The following CACNA2D3 variants were observed in gnomAD, a reference collection of about 807,000 sequenced individuals.
CACNA2D3 encodes the protein calcium voltage-gated channel auxiliary subunit alpha2delta 3, also known as voltage-dependent calcium channel subunit alpha-2/delta-3.
A neutral mutation model predicts 160.6 loss-of-function variants in CACNA2D3; 60 were observed. The observed-to-expected ratio is 0.37, with a 90% CI of 0.30 to 0.46. The LOEUF (loss-of-function observed/expected upper bound fraction) is 0.46, where lower values mean the gene tolerates loss of function less well. Among genes scored for constraint, CACNA2D3 ranks in the 20% least tolerant of loss-of-function variants. The pLI is 1.00. For missense variants in CACNA2D3, 1,205 were observed against 1,365.0 expected (o/e 0.88, Z 1.85); for synonymous variants, 558 against 492.9 (o/e 1.13, Z -1.75).
chr3:54,948,548 G>C (rs1701673837), intron 27 of CACNA2D3, among the ~76,000 whole-genome samples: 1 of 152,286 alleles, frequency 6.6e-6, no homozygotes, highest in East Asian at 1.9e-4. Context: ...TGCATGATCA[G>C]CTAACTCGGT....
intron 9 of CACNA2D3, among the ~76,000 whole-genome samples, chr3:54,603,789 G>A (rs756718689): frequency 3.3e-5 from 5 of 152,028 alleles, no homozygotes; most frequent in Non-Finnish European, 7.3e-5. Flanking sequence ...AGAATTATAA[G>A]TTGCATGTAG....
intron 8 of CACNA2D3, among the ~76,000 whole-genome samples, chr3:54,576,885 A>G (rs574324589): frequency 6.6e-6 from 1 of 152,194 alleles, no homozygotes; most frequent in African/African-American, 2.4e-5. Flanking sequence ...AATAATAAAA[A>G]AATTAGCTGG....
At chr3:55,062,272 A>G (rs1704529790) in intron 35 of CACNA2D3, among the ~76,000 whole-genome samples, 1 of 138,114 alleles carries the variant, frequency 7.2e-6, no homozygotes, top group South Asian at 2.2e-4. Context: ...GGCACACATC[A>G]TATCTGTCTT....
chr3:54,940,045 AG>A (rs1298441105), intron 27 of CACNA2D3, among the ~76,000 whole-genome samples: 4 of 118,424 alleles, frequency 3.4e-5, no homozygotes, highest in Non-Finnish European at 7.5e-5. Flanking sequence ...AAGATGGAGA[AG>A]GTGGAGCTGA....
intron 29 of CACNA2D3, among the ~76,000 whole-genome samples, chr3:54,979,543 T>C (rs892451038): frequency 6.6e-6 from 1 of 152,204 alleles, no homozygotes; most frequent in Admixed American, 6.5e-5. Flanking sequence ...AAGCTGTAAA[T>C]AGCTCAAAAG....
At chr3:54,978,907 C>T (rs1311321137) in intron 29 of CACNA2D3, among the ~76,000 whole-genome samples, 2 of 152,212 alleles carry the variant, frequency 1.3e-5, no homozygotes, top group Admixed American at 6.5e-5. Context: ...CATAATTGTT[C>T]TCTAGTTTCC....
At position 54,356,916 on chromosome 3, in the gene CACNA2D3, G is replaced by GA. The variant is rs141932430; in HGVS notation, c.322-29795dup. 9.4e-3 allele frequency among the ~76,000 whole-genome samples: 1,430 copies of GA among 152,228 alleles called. 19 individuals are homozygous for GA. Among genetic ancestry groups the GA allele is most frequent in the African/African-American group, 0.033 (1,354 of 41,542 alleles). ...TTTTCTCCCTGGGTTTTCTGGCAGG[G>GA]AAAATTCTTCCTGGTACTTAGCAAA... On this transcript the variant is annotated intron_variant, in intron 3 of 37. Coordinates refer to ENST00000474759, the MANE Select transcript of CACNA2D3 (RefSeq NM_018398.3).
chr3:54,364,730 G>C (rs1182298219), intron 3 of CACNA2D3, among the ~76,000 whole-genome samples: 1 of 152,162 alleles, frequency 6.6e-6, no homozygotes, highest in African/African-American at 2.4e-5. Flanking sequence ...TTACAATATA[G>C]ACCATAACTC....
intron 4 of CACNA2D3, among the ~76,000 whole-genome samples, chr3:54,472,917 T>C (rs1700760433): frequency 6.6e-6 from 1 of 152,244 alleles, no homozygotes; most frequent in South Asian, 2.1e-4. Context: ...TCCTTGCTCA[T>C]GGATAGGAAG....
At chr3:54,401,266 A>G (rs1028290279) in intron 4 of CACNA2D3, among the ~76,000 whole-genome samples, 1 of 152,228 alleles carries the variant, frequency 6.6e-6, no homozygotes, top group African/African-American at 2.4e-5. Flanking sequence ...CAAGTGAACA[A>G]AGATTCATAT....
intron 9 of CACNA2D3, among the ~76,000 whole-genome samples, chr3:54,621,645 C>T (rs1228367948): frequency 2.6e-5 from 4 of 152,176 alleles, no homozygotes; most frequent in Non-Finnish European, 5.9e-5. Flanking sequence ...GGCTGTTCAG[C>T]GTCTCCCTGA....
chr3:54,869,722 G>T (rs1172021280), intron 17 of CACNA2D3, among the ~76,000 whole-genome samples: 1 of 152,028 alleles, frequency 6.6e-6, no homozygotes, highest in African/African-American at 2.4e-5. Flanking sequence ...TCCCTGCCCC[G>T]CACTCCTCCA....
chr3:54,211,442 A>T (rs1351382079), intron 2 of CACNA2D3, among the ~76,000 whole-genome samples: 1 of 152,090 alleles, frequency 6.6e-6, no homozygotes, highest in Non-Finnish European at 1.5e-5. Flanking sequence ...TTATTTTAGG[A>T]TAGATTACTG....
intron 13 of CACNA2D3, among the ~76,000 whole-genome samples, chr3:54,810,606 A>C (rs994683148): frequency 6.6e-6 from 1 of 152,220 alleles, no homozygotes; most frequent in Non-Finnish European, 1.5e-5. Flanking sequence ...AATGGAATAA[A>C]GATATGTAGG....
At chr3:54,639,972 G>C (rs1290796126) in intron 10 of CACNA2D3, 1 of 153,700 alleles carries the variant, frequency 6.5e-6, no homozygotes, top group African/African-American at 2.4e-5. Flanking sequence ...GGTGCTCAGT[G>C]GGGGTGCTTT....
intron 35 of CACNA2D3, among the ~76,000 whole-genome samples, chr3:55,070,029 C>T (rs1704765233): frequency 1.3e-5 from 2 of 152,080 alleles, no homozygotes; most frequent in South Asian, 2.1e-4. Flanking sequence ...CTGCCTTTAT[C>T]ATTTCAAGTT....
intron 27 of CACNA2D3, among the ~76,000 whole-genome samples, chr3:54,914,585 T>G (rs1400499266): frequency 1.3e-5 from 2 of 152,086 alleles, no homozygotes; most frequent in Non-Finnish European, 2.9e-5. Context: ...TATATATCAG[T>G]AAAAATAAAT....
chr3:54,211,115 C>A (rs1701363934), intron 2 of CACNA2D3, among the ~76,000 whole-genome samples: 1 of 152,010 alleles, frequency 6.6e-6, no homozygotes, highest in South Asian at 2.1e-4. Flanking sequence ...TTAGTTTATC[C>A]TTGTGGATAT....
intron 11 of CACNA2D3, among the ~76,000 whole-genome samples, chr3:54,652,141 G>T (rs1699777817): frequency 6.7e-6 from 1 of 150,284 alleles, no homozygotes; most frequent in East Asian, 1.9e-4. Context: ...CCACCCCCTA[G>T]CCTCCACACG....
Sources: allele counts gnomAD v4.1 joint callset (sites outside exome capture counted in the v4.1 genomes callset), GRCh38; gene constraint gnomAD v4.1.1; transcripts MANE v1.5; gene names NCBI Gene and HGNC (gene_info 2026-07-23, HGNC 2026-07-21).